SLCO1A2: variants seen among roughly 807,000 people sequenced by gnomAD.
The protein encoded by SLCO1A2 is solute carrier organic anion transporter family member 1A2, also known as OATP-1.
SLCO1A2 carries 67 observed loss-of-function variants against 69.0 expected under a neutral mutation model. The observed-to-expected ratio is 0.97, with a 90% CI of 0.80 to 1.19. The LOEUF (loss-of-function observed/expected upper bound fraction) is 1.19, where lower values mean the gene tolerates loss of function less well. Among genes scored for constraint, SLCO1A2 ranks in the 50% most tolerant of loss-of-function variants. The pLI, the probability that SLCO1A2 is intolerant of heterozygous loss-of-function variation, is 0.00. For synonymous variants in SLCO1A2, 260 were observed against 265.9 expected, an observed-to-expected ratio of 0.98 and a Z score of 0.22; for missense variants, 787 against 793.7, an observed-to-expected ratio of 0.99 and a Z score of 0.10.
intron 2 of SLCO1A2, chr12:21,354,842 T>A (rs564323235): frequency 1.3e-5 from 2 of 152,286 alleles, no homozygotes; most frequent in Admixed American, 6.5e-5. Context: ...TTCCATATCT[T>A]TCTTTGGCTC....
intron 1 of SLCO1A2, among the ~76,000 whole-genome samples, chr12:21,401,556 A>T (rs887701311): frequency 6.6e-6 from 1 of 151,888 alleles, no homozygotes; most frequent in Non-Finnish European, 1.5e-5. Flanking sequence ...ATGCAATTTT[A>T]ATCATAATTT....
At chr12:21,351,650 C>T (rs773487298) in intron 2 of SLCO1A2, among the ~76,000 whole-genome samples, 4 of 151,764 alleles carry the variant, frequency 2.6e-5, no homozygotes, top group African/African-American at 7.3e-5. Flanking sequence ...TGGTGGTGGG[C>T]GCCTGTAATC....
chr12:21,409,791 A>G (rs2137204148), intron 1 of SLCO1A2, among the ~76,000 whole-genome samples: 1 of 152,322 alleles, frequency 6.6e-6, no homozygotes, highest in Middle Eastern at 3.4e-3. Context: ...GTCTTCCTTC[A>G]GAGTCTGCAC....
intron 13 of SLCO1A2, 117 bp downstream of exon 13, chr12:21,275,243 A>G: frequency 1.1e-6 from 1 of 951,516 alleles, no homozygotes. Flanking sequence ...TGGCACATGT[A>G]TACATATGTA....
chr12:21,310,463 G>A lies in SLCO1A2; in HGVS notation c.336-3475C>T, dbSNP rs773011192. Reference sequence around the variant, plus strand: ...GGCTTTAGCCTCCACGCTGATGGCTGCTGGCTGATCAGGGTAGCGGCTGCT... The same window carrying A: ...GGCTTTAGCCTCCACGCTGATGGCTACTGGCTGATCAGGGTAGCGGCTGCT... On this transcript the variant is annotated intron_variant, in intron 4 of 14. Coordinates refer to ENST00000683939, the MANE Select transcript of SLCO1A2 (RefSeq NM_001386879.1). Among the ~76,000 whole-genome samples, 111 of 152,250 alleles carry A rather than the reference G, an allele frequency of 7.3e-4. 2 individuals are homozygous for A. The highest frequency in any genetic ancestry group is 1.5e-4 in the Non-Finnish European group (10 of 68,044).
chr12:21,380,670 G>C (rs1312667074), intron 1 of SLCO1A2, among the ~76,000 whole-genome samples: 1 of 152,108 alleles, frequency 6.6e-6, no homozygotes, highest in Non-Finnish European at 1.5e-5. Flanking sequence ...AAAATAATGA[G>C]AATAACTAAA....
At chr12:21,297,009 T>TAGG (rs1169192849) in intron 9 of SLCO1A2, among the ~76,000 whole-genome samples, 1 of 152,082 alleles carries the variant, frequency 6.6e-6, no homozygotes, top group Non-Finnish European at 1.5e-5. Context: ...AAAATTAAAT[T>TAGG]AGGAGGAACA....
intron 1 of SLCO1A2, among the ~76,000 whole-genome samples, chr12:21,402,173 T>C (rs1319288816): frequency 6.8e-6 from 1 of 146,238 alleles, no homozygotes; most frequent in Non-Finnish European, 1.5e-5. Context: ...TGGAAAAAAA[T>C]TGTGGAGTCT....
At chr12:21,327,339 T>C (rs1046676441) in intron 2 of SLCO1A2, among the ~76,000 whole-genome samples, 8 of 152,112 alleles carry the variant, frequency 5.3e-5, no homozygotes, top group African/African-American at 1.9e-4. Context: ...AATGTAGGGT[T>C]GAAGCCCCCA....
Position 21,293,962 on chromosome 12 carries a change from C to T in SLCO1A2, c.1420G>A (p.Gly474Arg). Residue 474 changes from glycine to arginine, a missense_variant, in exon 11 of 15, where the codon GGA becomes AGA. Coordinates refer to ENST00000683939, the MANE Select transcript of SLCO1A2 (RefSeq NM_001386879.1). Reference sequence around the variant, plus strand: ...TGTCTTACCATGTTTATTCCCGTTCCAATGGATGTCTCACAACCAGCAAGA... The same window carrying T: ...TGTCTTACCATGTTTATTCCCGTTCTAATGGATGTCTCACAACCAGCAAGA... ...ACLAGCETSI[G>R]TGINMVFQNC... 6.2e-7 allele frequency: 1 copy of T among 1,609,178 alleles called. No homozygotes were observed. The highest frequency in any genetic ancestry group is 8.5e-7 in the Non-Finnish European group (1 of 1,178,044).
intron 2 of SLCO1A2, chr12:21,354,937 G>T (rs1240351493): frequency 2.0e-5 from 3 of 151,882 alleles, no homozygotes; most frequent in Non-Finnish European, 4.4e-5. Flanking sequence ...TGCACTCCTT[G>T]GATTATATAC....
upstream of SLCO1A2, among the ~76,000 whole-genome samples, chr12:21,398,194 CA>C (rs1359096127): frequency 6.6e-6 from 1 of 150,778 alleles, no homozygotes; most frequent in Non-Finnish European, 1.5e-5. Context: ...AAGGGGATGT[CA>C]CCACCGATCC....
chr12:21,357,882 T>C (rs899764331), intron 2 of SLCO1A2, among the ~76,000 whole-genome samples: 3 of 152,116 alleles, frequency 2.0e-5, no homozygotes, highest in African/African-American at 7.2e-5. Context: ...TATTGAGAAG[T>C]TTTTAAAATA....
chr12:21,272,223 T>C (rs1591769080), intron 14 of SLCO1A2, among the ~76,000 whole-genome samples: 2 of 151,944 alleles, frequency 1.3e-5, no homozygotes, highest in East Asian at 1.9e-4. Context: ...CATGTAGAAA[T>C]AGATATAGAT....
upstream of SLCO1A2, among the ~76,000 whole-genome samples, chr12:21,336,640 C>T (rs1591859607): frequency 6.6e-6 from 1 of 151,906 alleles, no homozygotes; most frequent in South Asian, 2.1e-4. Flanking sequence ...GGAAAATAAA[C>T]AAATTAACAA....
chr12:21,417,585 G>T (rs1453155245), intron 1 of SLCO1A2, among the ~76,000 whole-genome samples: 2 of 151,714 alleles, frequency 1.3e-5, no homozygotes, highest in Non-Finnish European at 2.9e-5. Context: ...TATTATTTTT[G>T]TTGTAAATCT....
intron 1 of SLCO1A2, among the ~76,000 whole-genome samples, chr12:21,404,972 T>C (rs1358982423): frequency 2.0e-5 from 3 of 152,238 alleles, no homozygotes; most frequent in Non-Finnish European, 4.4e-5. Context: ...TTGATTTGCA[T>C]TTCTCTAATG....
chr12:21,296,143 A>G (rs1162024121), intron 9 of SLCO1A2, among the ~76,000 whole-genome samples: 2 of 152,136 alleles, frequency 1.3e-5, no homozygotes, highest in Non-Finnish European at 2.9e-5. Flanking sequence ...TTATTCATTT[A>G]TTACCCTCTA....
At chr12:21,363,128 G>A (rs946361425) in intron 2 of SLCO1A2, among the ~76,000 whole-genome samples, 20 of 152,008 alleles carry the variant, frequency 1.3e-4, no homozygotes, top group Non-Finnish European at 2.6e-4. Context: ...ATTCCAAAAT[G>A]GACCACATAG....
Sources: gnomAD v4.1 joint callset for allele counts (sites outside exome capture counted in the v4.1 genomes callset) on GRCh38, gnomAD v4.1.1 for gene constraint, MANE v1.5 for transcripts, NCBI Gene and HGNC (gene_info 2026-07-23, HGNC 2026-07-21) for gene names.